Variants in PTPN1 observed in about 807,000 individuals in gnomAD.
PTPN1 encodes protein tyrosine phosphatase non-receptor type 1.
A neutral mutation model predicts 59.9 loss-of-function variants in PTPN1; 12 were observed. The observed-to-expected ratio is 0.20, with a 90% CI of 0.13 to 0.32. PTPN1 has a LOEUF of 0.32. PTPN1 is among the 10% of genes least tolerant of loss of function. The pLI, the probability that PTPN1 is intolerant of heterozygous loss-of-function variation, is 1.00. For synonymous variants in PTPN1, 178 were observed against 203.6 expected, an observed-to-expected ratio of 0.87 and a Z score of 1.07; for missense variants, 356 against 549.2, an observed-to-expected ratio of 0.65 and a Z score of 3.52.
At chr20:50,559,118 A>T (rs1601406380) in intron 1 of PTPN1, among the ~76,000 whole-genome samples, 1 of 133,352 alleles carries the variant, frequency 7.5e-6, no homozygotes. Flanking sequence ...TGCAACCTCC[A>T]CCTCCTGGGT....
chr20:50,583,175 A>C lies in PTPN1; in HGVS notation c.*460A>C. The C allele has an allele frequency of 6.2e-6, 1 of 161,996 alleles. No individual in the cohort carries two copies. Among genetic ancestry groups the C allele is most frequent in the Non-Finnish European group, 1.3e-5 (1 of 74,192 alleles). The allele number at this position is 161,996 out of a possible 1,614,324, so 10.0% of individuals were successfully genotyped here. ...GCACTAGCATTTTCTTGAACCAATA[A>C]TGTATTAAAATTTTTTGATGTCAGC... On this transcript the variant is annotated 3_prime_UTR_variant, in exon 10 of 10. Transcript: ENST00000371621.
chr20:50,525,426 C>G (rs548796827), intron 1 of PTPN1, among the ~76,000 whole-genome samples: 1 of 152,214 alleles, frequency 6.6e-6, no homozygotes, highest in Admixed American at 6.5e-5. Context: ...GATTGCTCCC[C>G]GTTTACCATT....
intron 1 of PTPN1, among the ~76,000 whole-genome samples, chr20:50,559,942 T>C (rs904706764): frequency 5.3e-5 from 8 of 151,854 alleles, no homozygotes; most frequent in African/African-American, 9.7e-5. Context: ...GGTACCTGCA[T>C]GTGGTGGAGA....
chr20:50,575,841 T>C (rs1376801259), intron 5 of PTPN1, among the ~76,000 whole-genome samples: 1 of 152,144 alleles, frequency 6.6e-6, no homozygotes. Context: ...GCAGGAGGAT[T>C]GCTTGTGCCC....
chr20:50,554,380 A>ATTCTCCCTCTCTCTCTCTCTCTCTCTCTC (rs11481722), intron 1 of PTPN1, among the ~76,000 whole-genome samples: 1 of 140,200 alleles, frequency 7.1e-6, no homozygotes, highest in Non-Finnish European at 1.5e-5. Context: ...GCAAGACCAC[A>ATTCTCCCTCTCTCTCTCTCTCTCTCTCTC]TCTCTCTCTC....
chr20:50,537,951 A>G (rs956199031), intron 1 of PTPN1, among the ~76,000 whole-genome samples: 2 of 152,204 alleles, frequency 1.3e-5, no homozygotes, highest in African/African-American at 4.8e-5. Context: ...ACATGGGGAA[A>G]GTTCCAGCAA....
At chr20:50,525,097 C>T (rs1328774713) in intron 1 of PTPN1, among the ~76,000 whole-genome samples, 2 of 151,858 alleles carry the variant, frequency 1.3e-5, no homozygotes, top group African/African-American at 4.8e-5. Context: ...TTTGCTCTTG[C>T]TGCCTAGGCT....
chr20:50,584,903 C>T lies in PTPN1; in HGVS notation c.*2188C>T, dbSNP rs1451713209. ...GAGTTTTCCACTTCTAAGAATTAAC[C>T]TCAGCATCCCTGCATTGCCAGCACC... On this transcript the variant is annotated 3_prime_UTR_variant, in exon 10 of 10. Transcript: ENST00000371621. 5 of 152,140 alleles carry T rather than the reference C, an allele frequency of 3.3e-5. No individual in the cohort carries two copies. The highest frequency in any genetic ancestry group is 1.2e-4 in the African/African-American group (5 of 41,422). The allele number at this position is 152,140 out of a possible 1,614,324, so 9.4% of individuals were successfully genotyped here.
At chr20:50,532,414 A>G (rs746762645) in intron 1 of PTPN1, among the ~76,000 whole-genome samples, 54 of 152,330 alleles carry the variant, frequency 3.5e-4, no homozygotes, top group South Asian at 1.0e-3. Flanking sequence ...TAGAGTCAAA[A>G]TGGTAATCAA....
At chr20:50,512,236 A>C (rs901239011) in intron 1 of PTPN1, among the ~76,000 whole-genome samples, 1 of 152,238 alleles carries the variant, frequency 6.6e-6, no homozygotes, top group Admixed American at 6.5e-5. Flanking sequence ...AGTAGAGTCT[A>C]AAATGTCTTT....
At chr20:50,528,745 A>G (rs534219286) in intron 1 of PTPN1, among the ~76,000 whole-genome samples, 7 of 151,438 alleles carry the variant, frequency 4.6e-5, no homozygotes, top group Non-Finnish European at 1.5e-5. Context: ...TTAAAAAAAA[A>G]AAAAAAGAAA....
intron 1 of PTPN1, among the ~76,000 whole-genome samples, chr20:50,515,284 C>A (rs2082524201): frequency 6.6e-6 from 1 of 152,274 alleles, no homozygotes; most frequent in East Asian, 1.9e-4. Context: ...TATACCATTG[C>A]TGAGCACTTT....
rs1467107177 is a variant in PTPN1, at chr20:50,581,260, C to T, written c.1089-5C>T. Reference sequence around the variant, plus strand: ...GTAACCCATCTCTGCCCTCTGATTCCTCAGCATGAGTCAAGACACTGAAGT... The same window carrying T: ...GTAACCCATCTCTGCCCTCTGATTCTTCAGCATGAGTCAAGACACTGAAGT... On this transcript the variant is annotated splice_polypyrimidine_tract_variant and splice_region_variant and intron_variant, in intron 8 of 9. Transcript: ENST00000371621. The T allele has an allele frequency of 6.3e-7, 1 of 1,589,008 alleles. No homozygotes were observed. Among genetic ancestry groups the T allele is most frequent in the South Asian group, 1.1e-5 (1 of 89,966 alleles).
chr20:50,584,162 ACT>A lies in PTPN1; in HGVS notation c.*1452_*1453del, dbSNP rs1404350427. Reference sequence around the variant, plus strand: ...ACACGGCAGCTGTAGCTCCCGAGCTACTCTCTTGCCAGCATTTTCACATTTTG... The same window carrying A: ...ACACGGCAGCTGTAGCTCCCGAGCTACTCTTGCCAGCATTTTCACATTTTG... On this transcript the variant is annotated 3_prime_UTR_variant, in exon 10 of 10. Transcript: ENST00000371621. 2.0e-5 allele frequency: 3 copies of A among 152,502 alleles called. No homozygotes were observed. The highest frequency in any genetic ancestry group is 7.2e-5 in the African/African-American group (3 of 41,404). 9.4% of individuals were successfully genotyped at this position (152,502 alleles called of 1,614,324 possible). A position where few individuals can be genotyped will look rare whatever the true frequency, so the allele number is the denominator to read the frequency against.
intron 3 of PTPN1, among the ~76,000 whole-genome samples, 179 bp downstream of exon 3, chr20:50,565,248 G>A (rs1344102351): frequency 3.3e-5 from 5 of 152,182 alleles, no homozygotes; most frequent in East Asian, 1.9e-4. Context: ...TATAAGGAAC[G>A]CTAATCTTTT....
rs527656052 is a variant in PTPN1 at position 50,577,968 on chromosome 20, C to T, written c.493-452C>T. On this transcript the variant is annotated intron_variant, in intron 5 of 9. Transcript: ENST00000371621. ...TAAAGTGACAATCCTCTGAAACCTC[C>T]AGATCATCTTGAAGCCCCCGTCTGA... 1.2e-4 allele frequency: 20 copies of T among 161,046 alleles called. No homozygotes were observed. In the South Asian group the frequency reaches 3.5e-3, roughly 28 times the overall value. The allele number at this position is 161,046 out of a possible 1,614,324, so 10.0% of individuals were successfully genotyped here.
intron 1 of PTPN1, among the ~76,000 whole-genome samples, chr20:50,524,567 G>GTTTT (rs1386022104): frequency 1.6e-5 from 1 of 64,112 alleles, no homozygotes; most frequent in South Asian, 4.0e-4. Context: ...CCATTATGTG[G>GTTTT]TCTTTTTTTT....
chr20:50,512,729 A>C (rs1202490134), intron 1 of PTPN1, among the ~76,000 whole-genome samples: 1 of 152,184 alleles, frequency 6.6e-6, no homozygotes, highest in Non-Finnish European at 1.5e-5. Flanking sequence ...GCTCTTTGTC[A>C]TACAACTGTA....
In PTPN1 at chr20:50,552,688, ATT is replaced by A. The variant is rs35970690; in HGVS notation, c.64-8660_64-8659del. ...CATCTCTACAAACAGGAAAAAAAAA[ATT>A]TTTTTTTTTTTTTTAACTAGCCAGG... On this transcript the variant is annotated intron_variant, in intron 1 of 9. Coordinates refer to ENST00000371621, the MANE Select transcript of PTPN1 (RefSeq NM_002827.4). Among the ~76,000 whole-genome samples, 378 of 145,012 alleles carry A rather than the reference ATT, an allele frequency of 2.6e-3. 1 individual carries two copies. Among genetic ancestry groups the A allele is most frequent in the East Asian group, 4.1e-3 (20 of 4,926 alleles).
Sources: allele counts gnomAD v4.1 joint callset (sites outside exome capture counted in the v4.1 genomes callset), GRCh38; gene constraint gnomAD v4.1.1; transcripts MANE v1.5; gene names NCBI Gene and HGNC (gene_info 2026-07-23, HGNC 2026-07-21).